Variants in CNTN3 observed in about 807,000 individuals in gnomAD.
The protein encoded by CNTN3 is contactin 3.
Under a neutral mutation model 119.1 loss-of-function variants are expected in CNTN3, and 60 were observed. The observed-to-expected ratio is 0.50, with a 90% CI of 0.41 to 0.62. The LOEUF (loss-of-function observed/expected upper bound fraction) is 0.62. Ranked by LOEUF, CNTN3 falls within the 20% of genes least tolerant of loss-of-function variation. The pLI, the probability that CNTN3 is intolerant of heterozygous loss-of-function variation, is 0.00. For missense variants in CNTN3, 1,101 were observed against 1,242.4 expected (o/e 0.89, Z 1.71); for synonymous variants, 450 against 438.7 (o/e 1.03, Z -0.32).
chr3:74,333,608 T>C (rs1021202528), intron 13 of CNTN3, among the ~76,000 whole-genome samples: 1 of 152,168 alleles, frequency 6.6e-6, no homozygotes, highest in African/African-American at 2.4e-5. Context: ...CCCATTTTAA[T>C]CCAGGATGAC....
At chr3:74,346,733 A>ACATCCATCCATC (rs61572054) in intron 11 of CNTN3, among the ~76,000 whole-genome samples, 4 of 144,400 alleles carry the variant, frequency 2.8e-5, no homozygotes, top group East Asian at 2.1e-4. Context: ...ATCTCATTTG[A>ACATCCATCCATC]CATCCATCCA....
At chr3:74,290,367 T>C (rs1702201630) in intron 19 of CNTN3, among the ~76,000 whole-genome samples, 3 of 152,202 alleles carry the variant, frequency 2.0e-5, no homozygotes, top group Non-Finnish European at 4.4e-5. Flanking sequence ...AAAATTGTGG[T>C]ATTGTAATCT....
intron 12 of CNTN3, among the ~76,000 whole-genome samples, chr3:74,335,425 C>T (rs1482936909): frequency 6.6e-6 from 1 of 152,070 alleles, no homozygotes; most frequent in Non-Finnish European, 1.5e-5. Flanking sequence ...TTTTCCCCAA[C>T]GCAAATGTCC....
intron 5 of CNTN3, among the ~76,000 whole-genome samples, chr3:74,401,869 A>G (rs1705203219): frequency 6.6e-6 from 1 of 152,166 alleles, no homozygotes; most frequent in African/African-American, 2.4e-5. Flanking sequence ...TCTTTCTCCA[A>G]TAACCCAACC....
chr3:74,585,399 A>G (rs144446722), intron 1 of CNTN3, among the ~76,000 whole-genome samples: 1,955 of 152,302 alleles, frequency 0.013, 27 homozygotes, highest in Non-Finnish European at 0.019. Flanking sequence ...TCTGTAAAAG[A>G]GCTGAAGGAA....
chr3:74,409,258 G>T (rs543802662), intron 5 of CNTN3, among the ~76,000 whole-genome samples: 1 of 152,226 alleles, frequency 6.6e-6, no homozygotes, highest in East Asian at 1.9e-4. Context: ...CACACAACTG[G>T]TTACACAGAT....
intron 5 of CNTN3, among the ~76,000 whole-genome samples, chr3:74,424,273 G>A (rs1191377372): frequency 6.6e-6 from 1 of 151,764 alleles, no homozygotes; most frequent in African/African-American, 2.4e-5. Context: ...TCACTATCTT[G>A]GTAAGGTTCT....
chr3:74,522,049 T>C (rs966180427), intron 1 of CNTN3, among the ~76,000 whole-genome samples: 8 of 151,872 alleles, frequency 5.3e-5, no homozygotes, highest in African/African-American at 1.9e-4. Flanking sequence ...TAGTTGTCAC[T>C]GACCCAAAGA....
At chr3:74,371,562 T>A (rs1704339971) in intron 5 of CNTN3, among the ~76,000 whole-genome samples, 163 bp from the exon 6 acceptor site, 1 of 152,104 alleles carries the variant, frequency 6.6e-6, no homozygotes, top group African/African-American at 2.4e-5. Context: ...ACTCTCAATT[T>A]ATTCTTTATT....
In CNTN3 at chr3:74,370,009, A is replaced by C. The variant is rs1421878849; in HGVS notation, c.659-18T>G. Reference sequence around the variant, plus strand: ...CATCACACCTATAAATCCACAATATAAAGTTAATCGTTTCAATATTTCCTT... The same window carrying C: ...CATCACACCTATAAATCCACAATATCAAGTTAATCGTTTCAATATTTCCTT... On this transcript the variant is annotated intron_variant, in intron 6 of 22. Transcript: ENST00000263665. The C allele has an allele frequency of 7.5e-7, 1 of 1,330,700 alleles. No individual in the cohort carries two copies. The allele number at this position is 1,330,700 out of a possible 1,614,324, so 82.4% of individuals were successfully genotyped here.
intron 5 of CNTN3, among the ~76,000 whole-genome samples, chr3:74,410,756 A>G (rs556987876): frequency 1.3e-3 from 199 of 152,228 alleles, no homozygotes; most frequent in Admixed American, 2.1e-3. Context: ...TGATTGATGG[A>G]CTAGTTTCCC....
chr3:74,306,829 T>G lies in CNTN3; in HGVS notation c.1669-4022A>C, dbSNP rs144502563. Among the ~76,000 whole-genome samples, 706 of 152,292 alleles carry G rather than the reference T, an allele frequency of 4.6e-3. 5 individuals are homozygous for G. Among genetic ancestry groups the G allele is most frequent in the African/African-American group, 0.016 (665 of 41,562 alleles). On this transcript the variant is annotated intron_variant, in intron 13 of 22. Coordinates refer to ENST00000263665, the MANE Select transcript of CNTN3 (RefSeq NM_020872.3). Reference sequence around the variant, plus strand: ...ATTTAAAAACTGTTTATAAAGTAACTATTCTACTTTAGTTGCTGGGAATAC... The same window carrying G: ...ATTTAAAAACTGTTTATAAAGTAACGATTCTACTTTAGTTGCTGGGAATAC...
At chr3:74,466,090 T>A (rs1423464154) in intron 4 of CNTN3, among the ~76,000 whole-genome samples, 1 of 151,670 alleles carries the variant, frequency 6.6e-6, no homozygotes, top group Non-Finnish European at 1.5e-5. Context: ...ACTGAAAGAG[T>A]CCAAATTAAA....
rs1477143436 is a variant in CNTN3 at position 74,371,415 on chromosome 3, AAGAG to A, written c.455-20_455-17del. The A allele has an allele frequency of 2.5e-6, 4 of 1,583,342 alleles. No homozygotes were observed. The highest frequency in any genetic ancestry group is 4.5e-5 in the East Asian group (2 of 44,650). On this transcript the variant is annotated splice_polypyrimidine_tract_variant and intron_variant, in intron 5 of 22. Coordinates refer to ENST00000263665, the MANE Select transcript of CNTN3 (RefSeq NM_020872.3). ...TATGACAGTTCTAATAAAATTGTTG[AAGAG>A]AGAAAGAAATTCCATCATTAAGGAC...
chr3:74,415,450 C>A (rs12490454), intron 5 of CNTN3, among the ~76,000 whole-genome samples: 90,159 of 151,990 alleles, frequency 0.59, 29,558 homozygotes, highest in East Asian at 0.79. Flanking sequence ...GCCGTGACAG[C>A]CCCAGGGACA....
chr3:74,364,690 T>C, intron 9 of CNTN3, 94 bp from the exon 10 acceptor site: 1 of 1,100,506 alleles, frequency 9.1e-7, no homozygotes, highest in Non-Finnish European at 1.3e-6. Flanking sequence ...AGAAACTTTC[T>C]GCATTTTTCT....
At chr3:74,533,773 A>G (rs552649163) in intron 1 of CNTN3, among the ~76,000 whole-genome samples, 1 of 152,118 alleles carries the variant, frequency 6.6e-6, no homozygotes, top group East Asian at 1.9e-4. Flanking sequence ...AAATGAGGTA[A>G]TATTTTTGAG....
At chr3:74,544,736 C>A (rs1171205570) in intron 1 of CNTN3, among the ~76,000 whole-genome samples, 1 of 151,960 alleles carries the variant, frequency 6.6e-6, no homozygotes, top group Non-Finnish European at 1.5e-5. Context: ...GTAGCTGGGA[C>A]TACAGGTGCA....
chr3:74,567,295 T>C (rs1337915430), intron 1 of CNTN3, among the ~76,000 whole-genome samples: 1 of 149,218 alleles, frequency 6.7e-6, no homozygotes, highest in Non-Finnish European at 1.5e-5. Context: ...TGCATGCCGC[T>C]ATACTCAACA....
Sources: gnomAD v4.1 joint callset for allele counts (sites outside exome capture counted in the v4.1 genomes callset) on GRCh38, gnomAD v4.1.1 for gene constraint, MANE v1.5 for transcripts, NCBI Gene and HGNC (gene_info 2026-07-23, HGNC 2026-07-21) for gene names.